Variants in TNRC18 observed in about 807,000 individuals in gnomAD.
TNRC18 encodes trinucleotide repeat containing 18, also known as trinucleotide repeat-containing gene 18 protein.
Under a neutral mutation model 226.7 loss-of-function variants are expected in TNRC18, and 69 were observed. That is an observed-to-expected ratio of 0.30 (90% confidence interval 0.25 to 0.37). The LOEUF is 0.37. TNRC18 is among the 10% of genes least tolerant of loss of function. The pLI is 1.00. For synonymous variants in TNRC18, 2,449 were observed against 1,927.6 expected (o/e 1.27, Z -7.09); for missense variants, 4,754 against 4,256.6 (o/e 1.12, Z -3.25).
At chr7:5,375,133 C>T (rs559553417) in intron 9 of TNRC18, among the ~76,000 whole-genome samples, 2 of 149,928 alleles carry the variant, frequency 1.3e-5, no homozygotes, top group African/African-American at 2.5e-5. Flanking sequence ...GGCGAAACCC[C>T]ATCTCTACTA....
In TNRC18 at chr7:5,362,505, G is replaced by A. The variant is rs79076643; in HGVS notation, c.4395+145C>T. ...GCAACCACTTGACTGGGACCACACAGCACATCAGCACAAGGAGCTGAACGT... is the reference window on the plus strand; with the variant it reads ...GCAACCACTTGACTGGGACCACACAACACATCAGCACAAGGAGCTGAACGT... On this transcript the variant is annotated intron_variant, in intron 12 of 29. Coordinates refer to ENST00000430969, the MANE Select transcript of TNRC18 (RefSeq NM_001080495.3). 3,378 of 741,946 alleles carry A rather than the reference G, an allele frequency of 4.6e-3. 43 individuals carry two copies. The highest frequency in any genetic ancestry group is 0.027 in the African/African-American group (1,526 of 55,826). The allele number at this position is 741,946 out of a possible 1,614,324, so 46.0% of individuals were successfully genotyped here. A position where few individuals can be genotyped will look rare whatever the true frequency, so the allele number is the denominator to read the frequency against.
chr7:5,312,749 G>A lies in TNRC18; in HGVS notation c.8142C>T (p.Ala2714=). The A allele has an allele frequency of 2.6e-6, 4 of 1,537,058 alleles. No homozygotes were observed. Among genetic ancestry groups the A allele is most frequent in the Non-Finnish European group, 3.5e-6 (4 of 1,147,804 alleles). The change falls in exon 27 of 30, where the codon GCC becomes GCT. Residue 2714 remains alanine (A), a synonymous_variant. Coordinates refer to ENST00000430969, the MANE Select transcript of TNRC18 (RefSeq NM_001080495.3). This position sits in a 1 kb window ranked among gnomAD's most constrained non-coding sequence, Gnocchi z 6.3. ...TKQAGKARPS[A]HSPGKKTPAP... ...CGGGCGTCTTCTTGCCTGGGGAGTG[G>A]GCCGAGGGCCGCGCCTTGCCGGCCT...
intron 2 of TNRC18, among the ~76,000 whole-genome samples, chr7:5,407,797 C>T (rs1781576542): frequency 6.6e-6 from 1 of 152,160 alleles, no homozygotes; most frequent in South Asian, 2.1e-4. Context: ...TCCCCAGTGA[C>T]TGGTTTCCCC....
At chr7:5,358,010 G>C (rs930880809) in intron 15 of TNRC18, among the ~76,000 whole-genome samples, 1 of 152,144 alleles carries the variant, frequency 6.6e-6, no homozygotes, top group African/African-American at 2.4e-5. Context: ...GCTGCCGATG[G>C]CCTGAAGAAG....
chr7:5,399,904 T>G (rs1384787497), intron 2 of TNRC18, among the ~76,000 whole-genome samples: 1 of 149,974 alleles, frequency 6.7e-6, no homozygotes, highest in Non-Finnish European at 1.5e-5. Flanking sequence ...TAGCTGGGCG[T>G]GGTGGCAGGC....
chr7:5,353,092 G>T (rs1445720472), intron 16 of TNRC18, among the ~76,000 whole-genome samples: 1 of 152,160 alleles, frequency 6.6e-6, no homozygotes, highest in Non-Finnish European at 1.5e-5. Flanking sequence ...TCTTGGGTGG[G>T]ACAAGGGTCC....
rs1439462002 is a variant in TNRC18, at chr7:5,374,494, G to C, written c.2800-10C>G. On this transcript the variant is annotated splice_polypyrimidine_tract_variant and intron_variant, in intron 9 of 29. Transcript: ENST00000430969. ...CCTTCAACCGCTCCTGCTGGGAAGG[G>C]GCCGGCAGGCAGGGTCAGCACGGCA... 3 of 1,541,982 alleles carry C rather than the reference G, an allele frequency of 1.9e-6. No individual in the cohort carries two copies. The highest frequency in any genetic ancestry group is 2.6e-6 in the Non-Finnish European group (3 of 1,143,612).
chr7:5,371,395 C>A (rs1273486715), intron 10 of TNRC18, 31 bp from the exon 11 acceptor site: 3 of 1,486,680 alleles, frequency 2.0e-6, no homozygotes, highest in East Asian at 4.6e-5. Context: ...AGCATGGGAG[C>A]CCTAGGATCT....
At chr7:5,321,323 T>C in intron 21 of TNRC18, 133 bp from the exon 22 acceptor site, 1 of 619,780 alleles carries the variant, frequency 1.6e-6, no homozygotes, top group Non-Finnish European at 2.9e-6. Context: ...GGCTGAGACG[T>C]GTGCACTTCT....
intron 2 of TNRC18, among the ~76,000 whole-genome samples, chr7:5,405,839 G>C (rs577360186): frequency 6.6e-6 from 1 of 152,304 alleles, no homozygotes; most frequent in Non-Finnish European, 1.5e-5. Flanking sequence ...CAAGGCAGGA[G>C]GATCACTTGA....
At position 5,320,834 on chromosome 7, in the gene TNRC18, C is replaced by G. The variant is rs572163346; in HGVS notation, c.6561-227G>C. 1.2e-4 allele frequency among the ~76,000 whole-genome samples: 18 copies of G among 152,336 alleles called. No individual in the cohort carries two copies. The East Asian group carries it at 3.3e-3, about 28-fold the overall frequency. On this transcript the variant is annotated intron_variant, in intron 22 of 29. Transcript: ENST00000430969. ...GTCCAGATCCTGAGAGAGGCCAGCA[C>G]GCTCTCTCACCCCTTCCCGCTGCGG... is the stretch of plus-strand genomic sequence containing the variant.
chr7:5,377,598 T>C lies in TNRC18; in HGVS notation c.2256-22A>G, dbSNP rs1230737286. 6.4e-7 allele frequency: 1 copy of C among 1,556,062 alleles called. No individual in the cohort carries two copies. The highest frequency in any genetic ancestry group is 8.7e-7 in the Non-Finnish European group (1 of 1,148,344). ...CTCTCTGGAAGGAGGATCATAGGTGTCAGCGACAGCTCGGACAGCCCAGGG... is the reference window on the plus strand; with the variant it reads ...CTCTCTGGAAGGAGGATCATAGGTGCCAGCGACAGCTCGGACAGCCCAGGG... On this transcript the variant is annotated intron_variant, in intron 6 of 29. Coordinates refer to ENST00000430969, the MANE Select transcript of TNRC18 (RefSeq NM_001080495.3). The surrounding 1 kb of genome is among the most constrained non-coding windows in gnomAD (Gnocchi z 5.8).
At chr7:5,353,900 T>C (rs756751122) in intron 16 of TNRC18, among the ~76,000 whole-genome samples, 1 of 152,048 alleles carries the variant, frequency 6.6e-6, no homozygotes, top group Non-Finnish European at 1.5e-5. Context: ...TGGAGTGAAG[T>C]TGCCCATTTG....
intron 9 of TNRC18, 96 bp downstream of exon 9, chr7:5,375,938 C>T: frequency 8.7e-6 from 11 of 1,271,194 alleles, no homozygotes; most frequent in Non-Finnish European, 1.2e-5. Context: ...TTTTCTCCCT[C>T]CCTGTAACTG....
chr7:5,373,851 C>G (rs958495171), intron 10 of TNRC18, among the ~76,000 whole-genome samples: 1 of 152,054 alleles, frequency 6.6e-6, no homozygotes, highest in African/African-American at 2.4e-5. Flanking sequence ...CCTGACACTG[C>G]CGCTGAGGAG....
intron 18 of TNRC18, among the ~76,000 whole-genome samples, chr7:5,334,389 C>A (rs1246477142): frequency 1.3e-5 from 2 of 151,742 alleles, no homozygotes; most frequent in African/African-American, 4.8e-5. Context: ...CTCCGCTTCC[C>A]GGGTTCATGC....
chr7:5,355,474 A>C (rs569011557), intron 16 of TNRC18, among the ~76,000 whole-genome samples: 1 of 152,288 alleles, frequency 6.6e-6, no homozygotes, highest in South Asian at 2.1e-4. Context: ...TAAAAATAAA[A>C]ATAGTAGTAG....
In TNRC18 at chr7:5,312,957, G is replaced by A. The variant is rs756907070; in HGVS notation, c.7934C>T (p.Ser2645Leu). The A allele has an allele frequency of 1.5e-5, 19 of 1,259,836 alleles. No homozygotes were observed. Among genetic ancestry groups the A allele is most frequent in the Admixed American group, 1.4e-4 (7 of 48,962 alleles). The allele number at this position is 1,259,836 out of a possible 1,614,324, so 78.0% of individuals were successfully genotyped here. A position where few individuals can be genotyped will look rare whatever the true frequency, so the allele number is the denominator to read the frequency against. Residue 2645 changes from serine (S) to leucine (L), a missense_variant, in exon 27 of 30, where the codon TCG (serine) becomes TTG (leucine). Physicochemically the swap from Ser to Leu is moderately radical, Grantham distance 145 (BLOSUM62 -2). Transcript: ENST00000430969. The surrounding 1 kb of genome is among the most constrained non-coding windows in gnomAD (Gnocchi z 6.3). The stretch of plus-strand genomic sequence containing the variant: ...GGAGGAGGAGGAAGAGGAGGAAGAC[G>A]AAGAGGAAGAGGAGGAGGAGGAAGA... ...SSSSSSSSSS[S>L]SSSSSSSSSS...
chr7:5,390,606 C>T lies in TNRC18; in HGVS notation c.366G>A (p.Gly122=). 6.3e-7 allele frequency: 1 copy of T among 1,595,952 alleles called. No individual in the cohort carries two copies. The highest frequency in any genetic ancestry group is 8.5e-7 in the Non-Finnish European group (1 of 1,171,318). ...TCAGGTGGAGGTAGGATGGGTACAG[C>T]CCACTGGGCAGGTGGGAGAAGCCTG... ...AHEGFSHLPS[G]LYPSYLHLNH... The change falls in exon 4 of 30, where the codon GGG becomes GGA. Residue 122 remains glycine, a synonymous_variant. Transcript: ENST00000430969.
Sources: gnomAD v4.1 joint callset for allele counts (sites outside exome capture counted in the v4.1 genomes callset) on GRCh38, gnomAD v4.1.1 for gene constraint, Gnocchi (gnomAD v3.1) non-coding constraint, MANE v1.5 for transcripts, NCBI Gene and HGNC (gene_info 2026-07-23, HGNC 2026-07-21) for gene names.